Variants in DBH observed in about 807,000 individuals in gnomAD.
DBH encodes dopamine beta-hydroxylase, also known as dopamine beta-hydroxylase (dopamine beta-monooxygenase).
A neutral mutation model predicts 64.0 loss-of-function variants in DBH; 49 were observed. The observed-to-expected ratio is 0.77, with a 90% CI of 0.61 to 0.97. The LOEUF is 0.97. DBH is among the 50% of genes least tolerant of loss of function. DBH has a pLI of 0.00. For synonymous variants in DBH, 343 were observed against 347.1 expected (o/e 0.99, Z 0.13); for missense variants, 828 against 826.6 (o/e 1.00, Z -0.02).
Position 133,636,384 on chromosome 9 carries a change from A to G in DBH, c.13A>G (p.Ser5Gly), listed in dbSNP as rs778274517. Residue 5 changes from serine (S) to glycine (G), a missense_variant, in exon 1 of 12, where the codon AGT becomes GGT. Physicochemically the swap from Ser to Gly is moderately conservative, Grantham distance 56. Coordinates refer to ENST00000393056, the MANE Select transcript of DBH (RefSeq NM_000787.4). Reference protein sequence around the residue: MPALSRWASLPGPSM... With the variant: MPALGRWASLPGPSM... The stretch of plus-strand genomic sequence containing the variant: ...GCTCACCCCAGCCATGCCCGCCCTC[A>G]GTCGCTGGGCCAGCCTGCCCGGCCC... The G allele has an allele frequency of 6.2e-7, 1 of 1,609,916 alleles. No homozygotes were observed. The highest frequency in any genetic ancestry group is 8.5e-7 in the Non-Finnish European group (1 of 1,179,944).
At chr9:133,651,851 C>T (rs901309882) in intron 7 of DBH, 74 bp downstream of exon 7, 3 of 1,423,154 alleles carry the variant, frequency 2.1e-6, no homozygotes, top group African/African-American at 2.9e-5. Context: ...CTACTGTTTC[C>T]TGACACCATA....
chr9:133,642,409 A>G lies in DBH; in HGVS notation c.689A>G (p.Tyr230Cys). ...CAGATCCCCAGCCAGGAGACCACGT[A>G]CTGGTGCTACATTAAGGAGCTTCCA... Reference protein sequence around the residue: ...NIQIPSQETTYWCYIKELPKG... With the variant: ...NIQIPSQETTCWCYIKELPKG... Residue 230 changes from tyrosine to cysteine, a missense_variant, in exon 3 of 12, where the codon TAC becomes TGC. Coordinates refer to ENST00000393056, the MANE Select transcript of DBH (RefSeq NM_000787.4). 6.2e-7 allele frequency: 1 copy of G among 1,613,914 alleles called. No homozygotes were observed. Among genetic ancestry groups the G allele is most frequent in the South Asian group, 1.1e-5 (1 of 90,996 alleles).
chr9:133,652,628 C>T (rs1564213456), intron 8 of DBH, among the ~76,000 whole-genome samples: 1 of 152,156 alleles, frequency 6.6e-6, no homozygotes, highest in African/African-American at 2.4e-5. Context: ...AGGGCCAAGC[C>T]CAGGCCTCGG....
In DBH at chr9:133,658,537, C is replaced by A. The variant is rs950896235; in HGVS notation, c.*90C>A. 1 of 1,388,342 alleles carries A rather than the reference C, an allele frequency of 7.2e-7. No homozygotes were observed. Among genetic ancestry groups the A allele is most frequent in the Non-Finnish European group, 9.6e-7 (1 of 1,041,216 alleles). The allele number at this position is 1,388,342 out of a possible 1,614,324, so 86.0% of individuals were successfully genotyped here. On this transcript the variant is annotated 3_prime_UTR_variant, in exon 12 of 12. Coordinates refer to ENST00000393056, the MANE Select transcript of DBH (RefSeq NM_000787.4). ...CTACTCTGCGACGATCCCCATGGAA[C>A]AGCCCTGCACGCCCAGGATGAAGGG...
At chr9:133,653,104 C>T (rs917566281) in intron 9 of DBH, 105 bp downstream of exon 9, 6 of 883,064 alleles carry the variant, frequency 6.8e-6, no homozygotes, top group Admixed American at 1.8e-5. Flanking sequence ...GGCATGGGCT[C>T]GTCCCCTCAA....
At chr9:133,648,471 T>C (rs1221692927) in intron 6 of DBH, among the ~76,000 whole-genome samples, 2 of 152,262 alleles carry the variant, frequency 1.3e-5, no homozygotes, top group Non-Finnish European at 2.9e-5. Context: ...TAGAAACCTT[T>C]TGTGTTTTTA....
chr9:133,645,248 T>A (rs2131287117), intron 5 of DBH, among the ~76,000 whole-genome samples: 1 of 152,120 alleles, frequency 6.6e-6, no homozygotes, highest in South Asian at 2.1e-4. Flanking sequence ...GTGGTTTTTT[T>A]TTTTTTTCCT....
At chr9:133,641,920 C>A (rs547406621) in intron 2 of DBH, among the ~76,000 whole-genome samples, 2 of 152,176 alleles carry the variant, frequency 1.3e-5, no homozygotes, top group Admixed American at 1.3e-4. Context: ...TGGCTCACGG[C>A]GGGCCCAGTA....
At chr9:133,645,316 G>A (rs1217701245) in intron 5 of DBH, among the ~76,000 whole-genome samples, 7 of 152,056 alleles carry the variant, frequency 4.6e-5, no homozygotes, top group Non-Finnish European at 1.0e-4. Context: ...GCACAGAGAA[G>A]GGTATAAGTC....
chr9:133,648,590 C>T (rs7035577), intron 6 of DBH, among the ~76,000 whole-genome samples: 11,373 of 152,288 alleles, frequency 0.075, 886 homozygotes, highest in African/African-American at 0.2. Flanking sequence ...GTTTTCACCA[C>T]GCACCTGAGC....
At chr9:133,648,631 C>T (rs769559934) in intron 6 of DBH, among the ~76,000 whole-genome samples, 5 of 152,202 alleles carry the variant, frequency 3.3e-5, no homozygotes, top group African/African-American at 4.8e-5. Context: ...AGTGAAGTGC[C>T]GGGTACAGGA....
chr9:133,651,715 G>C lies in DBH; in HGVS notation c.1273G>C (p.Val425Leu), dbSNP rs1832250781. The change falls in exon 7 of 12, where the codon GTC becomes CTC. Residue 425 changes from valine (V) to leucine (L), a missense_variant. Physicochemically the swap from Val to Leu is conservative, Grantham distance 32. Coordinates refer to ENST00000393056, the MANE Select transcript of DBH (RefSeq NM_000787.4). The part of the protein sequence containing the change: ...LTGRKVVTVL[V>L]RDGREWEIVN... ...TGGGAGAAAGGTGGTCACAGTGCTG[G>C]TCCGGGACGGCCGGGAGTGGGAGAT... 2 of 1,613,958 alleles carry C rather than the reference G, an allele frequency of 1.2e-6. No homozygotes were observed. Among genetic ancestry groups the C allele is most frequent in the African/African-American group, 1.3e-5 (1 of 75,034 alleles).
At chr9:133,657,465 GGAGAGA>G (rs1428706368) in intron 11 of DBH, among the ~76,000 whole-genome samples, 15 of 134,352 alleles carry the variant, frequency 1.1e-4, no homozygotes, top group African/African-American at 4.6e-4. Context: ...AGAGGGAGAG[GGAGAGA>G]GGGAGAGGGA....
At position 133,652,377 on chromosome 9, in the gene DBH, A is replaced by G. The variant is rs1053252901; in HGVS notation, c.1374+93A>G. 4 of 1,478,664 alleles carry G rather than the reference A, an allele frequency of 2.7e-6. No individual in the cohort carries two copies. In the East Asian group the frequency reaches 9.0e-5, roughly 33 times the overall value. The allele number at this position is 1,478,664 out of a possible 1,614,324, so 91.6% of individuals were successfully genotyped here. On this transcript the variant is annotated intron_variant, in intron 8 of 11. Transcript: ENST00000393056. ...TGCCACCAGAAGGAGAGGGACACAGAAAGTGATAGGGGGAGGGAGAGCCAT... is the reference window on the plus strand; with the variant it reads ...TGCCACCAGAAGGAGAGGGACACAGGAAGTGATAGGGGGAGGGAGAGCCAT...
chr9:133,657,428 A>AG, intron 11 of DBH, 199 bp downstream of exon 11: 1 of 420,272 alleles, frequency 2.4e-6, no homozygotes. Context: ...GAGAGAGGAG[A>AG]GAGAGGAGAG....
chr9:133,650,460 TTTTC>T (rs777918153), intron 6 of DBH, among the ~76,000 whole-genome samples: 4 of 134,796 alleles, frequency 3.0e-5, no homozygotes, highest in African/African-American at 1.4e-4. Flanking sequence ...CTTTCCTTTC[TTTTC>T]TTTTTCTTTC....
intron 6 of DBH, among the ~76,000 whole-genome samples, chr9:133,649,644 G>A (rs771992538): frequency 5.3e-5 from 8 of 152,246 alleles, no homozygotes; most frequent in Non-Finnish European, 1.2e-4. Context: ...TCTCCGGCAG[G>A]AAATCAGCTC....
chr9:133,643,959 C>A lies in DBH; in HGVS notation c.922-259C>A, dbSNP rs1832148075. On this transcript the variant is annotated intron_variant, in intron 4 of 11. Coordinates refer to ENST00000393056, the MANE Select transcript of DBH (RefSeq NM_000787.4). The surrounding 1 kb of genome is among the most constrained non-coding windows in gnomAD (Gnocchi z 5.3). Reference sequence around the variant, plus strand: ...GATGGGGGTCTCCCCAGCTCTTACACCCGTCTAGAGAAGGGGTTTTGGGGG... The same window carrying A: ...GATGGGGGTCTCCCCAGCTCTTACAACCGTCTAGAGAAGGGGTTTTGGGGG... Among the ~76,000 whole-genome samples, 1 of 152,160 alleles carries A rather than the reference C, an allele frequency of 6.6e-6. No individual in the cohort carries two copies. Among genetic ancestry groups the A allele is most frequent in the South Asian group, 2.1e-4 (1 of 4,832 alleles).
At chr9:133,637,054 A>T (rs1341113852) in intron 1 of DBH, among the ~76,000 whole-genome samples, 1 of 151,996 alleles carries the variant, frequency 6.6e-6, no homozygotes, top group Non-Finnish European at 1.5e-5. Context: ...AGACCCCACG[A>T]CCCTCGGCCC....
Sources: allele counts gnomAD v4.1 joint callset (sites outside exome capture counted in the v4.1 genomes callset), GRCh38; gene constraint gnomAD v4.1.1; non-coding constraint Gnocchi (gnomAD v3.1); transcripts MANE v1.5; gene names NCBI Gene and HGNC (gene_info 2026-07-23, HGNC 2026-07-21).